ZP3: variants seen among roughly 807,000 people sequenced by gnomAD.
ZP3 encodes the protein zona pellucida glycoprotein 3.
A neutral mutation model predicts 35.6 loss-of-function variants in ZP3; 21 were observed. The observed-to-expected ratio is 0.59, with a 90% CI of 0.42 to 0.85. The LOEUF (loss-of-function observed/expected upper bound fraction) is 0.85, where lower values mean the gene tolerates loss of function less well. Among genes scored for constraint, ZP3 ranks in the 40% least tolerant of loss-of-function variants. ZP3 has a pLI of 0.00. For synonymous variants in ZP3, 207 were observed against 214.5 expected (o/e 0.96, Z 0.31); for missense variants, 437 against 536.5 (o/e 0.81, Z 1.83).
chr7:76,403,177 G>A (rs76360426), intron 1 of ZP3, among the ~76,000 whole-genome samples: 4,441 of 152,210 alleles, frequency 0.029, 200 homozygotes, highest in African/African-American at 0.098. Flanking sequence ...GAGTGGAGGT[G>A]GGAGAGGAAA....
upstream of ZP3, among the ~76,000 whole-genome samples, chr7:76,424,170 C>T (rs1805586356): frequency 6.6e-6 from 1 of 152,168 alleles, no homozygotes; most frequent in Non-Finnish European, 1.5e-5. Context: ...TCCTGTGTCC[C>T]CCACAGACCT....
intron 1 of ZP3, among the ~76,000 whole-genome samples, chr7:76,416,721 C>A (rs976907698): frequency 1.3e-5 from 2 of 151,590 alleles, no homozygotes; most frequent in Non-Finnish European, 2.9e-5. Context: ...GTCGCTTAAG[C>A]CTGCGAGACA....
intron 1 of ZP3, among the ~76,000 whole-genome samples, chr7:76,416,368 G>A (rs1053879348): frequency 6.6e-6 from 1 of 152,148 alleles, no homozygotes; most frequent in African/African-American, 2.4e-5. Context: ...AGTCGAGGCT[G>A]CAGTGAGCCA....
At chr7:76,405,271 TTATA>T (rs1171830870) in intron 1 of ZP3, among the ~76,000 whole-genome samples, 125 of 9,118 alleles carry the variant, frequency 0.014, no homozygotes, top group East Asian at 0.047. Context: ...ACCCAGCTAA[TTATA>T]TATATATATA....
chr7:76,427,777 C>T (rs1805710407), intron 1 of ZP3, among the ~76,000 whole-genome samples: 1 of 152,162 alleles, frequency 6.6e-6, no homozygotes. Context: ...CTCCTAGGCT[C>T]AAGCCATCCT....
intron 1 of ZP3, among the ~76,000 whole-genome samples, chr7:76,410,528 A>C (rs1805214782): frequency 6.7e-6 from 1 of 150,334 alleles, no homozygotes; most frequent in African/African-American, 2.5e-5. Context: ...AAAAAAAAAA[A>C]TGTTGAGAAG....
chr7:76,405,271 TTATATATATATATA>T lies in ZP3; in HGVS notation c.-67+7506_-67+7519del, dbSNP rs1171830870. 9.8e-3 allele frequency among the ~76,000 whole-genome samples: 90 copies of T among 9,138 alleles called. 1 individual carries two copies. The highest frequency in any genetic ancestry group is 0.016 in the East Asian group (2 of 128). The allele number at this position is 9,138 out of a possible 152,430, so 6.0% of individuals were successfully genotyped here. On this transcript the variant is annotated intron_variant, in intron 1 of 8. Coordinates refer to the ZP3 transcript ENST00000336517. ...GGCGTGCATCACCACACCCAGCTAA[TTATATATATATATA>T]TATATATATATATATATATATATAT...
At chr7:76,437,470 C>CTT (rs71521129) in intron 5 of ZP3, among the ~76,000 whole-genome samples, 478 of 134,840 alleles carry the variant, frequency 3.5e-3, no homozygotes, top group African/African-American at 9.8e-3. Flanking sequence ...ACACTCCCCT[C>CTT]TTTTTTTTTT....
intron 1 of ZP3, among the ~76,000 whole-genome samples, chr7:76,426,907 C>CACACACACACACATACAA (rs57796274): frequency 7.9e-6 from 1 of 126,870 alleles, no homozygotes; most frequent in African/African-American, 3.1e-5. Flanking sequence ...CACACACACA[C>CACACACACACACATACAA]AATAGGGTGT....
At chr7:76,404,786 T>G (rs1296449984) in intron 1 of ZP3, among the ~76,000 whole-genome samples, 2 of 145,930 alleles carry the variant, frequency 1.4e-5, no homozygotes, top group African/African-American at 2.6e-5. Flanking sequence ...ATGCAAAAAT[T>G]AGGCCGGCTG....
chr7:76,412,913 C>T (rs1238997009), intron 1 of ZP3, among the ~76,000 whole-genome samples: 2 of 150,738 alleles, frequency 1.3e-5, no homozygotes, highest in East Asian at 3.9e-4. Flanking sequence ...CCACACATCC[C>T]TATACATTCC....
Position 76,432,932 on chromosome 7 carries a change from G to A in ZP3, c.437G>A (p.Gly146Asp), listed in dbSNP as rs1805874168. 1.9e-6 allele frequency: 3 copies of A among 1,613,766 alleles called. No individual in the cohort carries two copies. The highest frequency in any genetic ancestry group is 1.3e-5 in the African/African-American group (1 of 74,932). ...AGCTGCTGTTCTTCTCTCAGGCAGG[G>A]CAATGTGAGCAGCCAGGCCATCCTG... is the stretch of plus-strand genomic sequence containing the variant. ...IPIECRYPRQ[G>D]NVSSQAILPT... The change falls in exon 3 of 8, where the codon GGC becomes GAC. Residue 146 changes from glycine to aspartate, a missense_variant. Transcript: ENST00000394857.
At chr7:76,428,120 G>GA (rs1432952719) in intron 1 of ZP3, among the ~76,000 whole-genome samples, 2 of 150,534 alleles carry the variant, frequency 1.3e-5, no homozygotes, top group Admixed American at 6.6e-5. Context: ...GAGGCCAGGA[G>GA]TTCGAGACCA....
intron 1 of ZP3, chr7:76,428,493 G>T (rs149343956): frequency 8.5e-5 from 13 of 152,072 alleles, no homozygotes; most frequent in African/African-American, 2.7e-4. Context: ...CAAAATCTTC[G>T]AACTTAGGTG....
At chr7:76,438,131 G>C (rs1426323227) in intron 5 of ZP3, among the ~76,000 whole-genome samples, 1 of 152,238 alleles carries the variant, frequency 6.6e-6, no homozygotes, top group African/African-American at 2.4e-5. Context: ...GCCCGAGGTT[G>C]AGCAGGGAGG....
intron 1 of ZP3, among the ~76,000 whole-genome samples, chr7:76,407,685 A>G (rs1311630174): frequency 6.6e-6 from 1 of 152,124 alleles, no homozygotes; most frequent in Non-Finnish European, 1.5e-5. Flanking sequence ...GTTAGCCATG[A>G]TCATGCCACT....
At chr7:76,405,112 AT>A (rs563928283) in intron 1 of ZP3, among the ~76,000 whole-genome samples, 14 of 143,372 alleles carry the variant, frequency 9.8e-5, no homozygotes, top group South Asian at 2.3e-4. Flanking sequence ...AAATTAGTAG[AT>A]TTTTTTTTTC....
rs1171830870 is a variant in ZP3 at position 76,405,271 on chromosome 7, TTATATATATATATATATATATA to T, written c.-67+7498_-67+7519del. Among the ~76,000 whole-genome samples, 43 of 9,142 alleles carry T rather than the reference TTATATATATATATATATATATA, an allele frequency of 4.7e-3. 1 individual carries two copies. Among genetic ancestry groups the T allele is most frequent in the Middle Eastern group, 0.12 (1 of 8 alleles). 6.0% of individuals were successfully genotyped at this position (9,142 alleles called of 152,430 possible). A position where few individuals can be genotyped will look rare whatever the true frequency, so the allele number is the denominator to read the frequency against. On this transcript the variant is annotated intron_variant, in intron 1 of 8. Transcript: ENST00000336517. ...GGCGTGCATCACCACACCCAGCTAATTATATATATATATATATATATATATATATATATATATATATATATGT... is the reference window on the plus strand; with the variant it reads ...GGCGTGCATCACCACACCCAGCTAATTATATATATATATATATATATATGT...
At chr7:76,441,697 G>A in intron 7 of ZP3, 145 bp from the exon 8 acceptor site, 3 of 1,302,194 alleles carry the variant, frequency 2.3e-6, no homozygotes, top group South Asian at 1.2e-5. Context: ...CGAGAAAGCT[G>A]TGTTTTTTTT....
Sources: gnomAD v4.1 joint callset for allele counts (sites outside exome capture counted in the v4.1 genomes callset) on GRCh38, gnomAD v4.1.1 for gene constraint, MANE v1.5 for transcripts, NCBI Gene and HGNC (gene_info 2026-07-23, HGNC 2026-07-21) for gene names.